Variants in CTF1 observed in about 807,000 individuals in gnomAD.
CTF1 encodes cardiotrophin 1, also known as cardiotrophin-1.
Under a neutral mutation model 10.9 loss-of-function variants are expected in CTF1, and 9 were observed. That is an observed-to-expected ratio of 0.83 (90% CI 0.50 to 1.44). The LOEUF (loss-of-function observed/expected upper bound fraction) is 1.44. Among genes scored for constraint, CTF1 ranks in the 40% most tolerant of loss-of-function variants. The pLI, the probability that CTF1 is intolerant of heterozygous loss-of-function variation, is 0.00. For missense variants in CTF1, 259 were observed against 275.3 expected, an observed-to-expected ratio of 0.94 and a Z score of 0.42; for synonymous variants, 133 against 138.8, an observed-to-expected ratio of 0.96 and a Z score of 0.29.
rs754997009 is a variant in CTF1 at position 30,902,567 on chromosome 16, C to T, written c.*28C>T. ...GCCGCGGGGCAGCTCGCCCCGCCTCCTCCCGCTGGGTTCCGTCTCTCCTTC... is the reference window on the plus strand; with the variant it reads ...GCCGCGGGGCAGCTCGCCCCGCCTCTTCCCGCTGGGTTCCGTCTCTCCTTC... On this transcript the variant is annotated 3_prime_UTR_variant, in exon 3 of 3. Coordinates refer to ENST00000279804, the MANE Select transcript of CTF1 (RefSeq NM_001330.5). 3 of 1,491,378 alleles carry T rather than the reference C, an allele frequency of 2.0e-6. No homozygotes were observed. The highest frequency in any genetic ancestry group is 2.1e-5 in the Admixed American group (1 of 47,680). 92.4% of individuals were successfully genotyped at this position (1,491,378 alleles called of 1,614,324 possible).
intron 2 of CTF1, 24 bp downstream of exon 2, chr16:30,899,557 T>TTTTGGGGGGGGGGGG: frequency 1.8e-6 from 1 of 546,126 alleles, no homozygotes; most frequent in Non-Finnish European, 3.5e-6. Context: ...GGGGTGGGGG[T>TTTTGGGGGGGGGGGG]GCCGGGGGCC....
chr16:30,896,552 TG>T (rs2055351210), upstream of CTF1: 1 of 1,158,872 alleles, frequency 8.6e-7, no homozygotes, highest in African/African-American at 1.6e-5. Context: ...GGGCTCTGAT[TG>T]GCTGCGCCCG....
rs149342494 is a variant in CTF1, at chr16:30,899,510, G to T, written c.121G>T (p.Ala41Ser). The T allele has an allele frequency of 4.5e-5, 73 of 1,608,996 alleles. No homozygotes were observed. Among genetic ancestry groups the T allele is most frequent in the Middle Eastern group, 1.6e-4 (1 of 6,070 alleles). Residue 41 changes from alanine (A) to serine (S), a missense_variant, in exon 2 of 3, where the codon GCT becomes TCT. Physicochemically the swap from Ala to Ser is moderately conservative, Grantham distance 99. Coordinates refer to ENST00000279804, the MANE Select transcript of CTF1 (RefSeq NM_001330.5). ...CCTTGCGCACCTCCTCACCAAATAC[G>T]CTGAGCAGCTGCTCCAGGAATATGT... ...HSLAHLLTKY[A>S]EQLLQEYVQL... is the part of the protein sequence containing the mutation.
rs767711958 is a variant in CTF1 at position 30,899,471 on chromosome 16, C to T, written c.82C>T (p.Arg28Cys). ...TCTTCCCCACTTGGAGGCCAAGATC[C>T]GTCAGACACACAGCCTTGCGCACCT... ...SLLPHLEAKI[R>C]QTHSLAHLLT... Residue 28 changes from arginine to cysteine, a missense_variant, in exon 2 of 3, where the codon CGT (arginine) becomes TGT (cysteine). Physicochemically the swap from Arg to Cys is radical, Grantham distance 180. Transcript: ENST00000279804. 2.5e-6 allele frequency: 4 copies of T among 1,612,578 alleles called. No homozygotes were observed. The South Asian group carries it at 3.3e-5, about 13-fold the overall frequency.
chr16:30,900,016 A>G (rs2055388050), intron 2 of CTF1, among the ~76,000 whole-genome samples: 1 of 152,210 alleles, frequency 6.6e-6, no homozygotes, highest in Non-Finnish European at 1.5e-5. Flanking sequence ...AGTCAGAGGT[A>G]GCCAGGTAGC....
chr16:30,902,677 G>C lies in CTF1; in HGVS notation c.*138G>C. The C allele has an allele frequency of 7.9e-7, 1 of 1,267,532 alleles. No homozygotes were observed. Among genetic ancestry groups the C allele is most frequent in the Non-Finnish European group, 1.0e-6 (1 of 989,670 alleles). The allele number at this position is 1,267,532 out of a possible 1,614,324, so 78.5% of individuals were successfully genotyped here. ...ATTGCCTCGGCCTTCTTTGCTTTTTGTGGGGGAGAGGGGAGGGGACGGGCA... is the reference window on the plus strand; with the variant it reads ...ATTGCCTCGGCCTTCTTTGCTTTTTCTGGGGGAGAGGGGAGGGGACGGGCA... On this transcript the variant is annotated 3_prime_UTR_variant, in exon 3 of 3. Coordinates refer to ENST00000279804, the MANE Select transcript of CTF1 (RefSeq NM_001330.5).
rs199817667 is a variant in CTF1 at position 30,898,021 on chromosome 16, AT to A, written c.25+1366del. Among the ~76,000 whole-genome samples the A allele has an allele frequency of 1.1e-3, 157 of 146,478 alleles. 4 individuals carry two copies. The highest frequency in any genetic ancestry group is 3.0e-3 in the African/African-American group (119 of 39,870). On this transcript the variant is annotated intron_variant, in intron 1 of 2. Coordinates refer to ENST00000279804, the MANE Select transcript of CTF1 (RefSeq NM_001330.5). ...AGGCGTGTGCCACCAAGTCCAGCTA[AT>A]TTTTTTTTTTTTGTATTTTTAGTAG... is the stretch of plus-strand genomic sequence containing the variant.
In CTF1 at chr16:30,902,647, T is replaced by A; in HGVS notation, c.*108T>A. 1.5e-6 allele frequency: 2 copies of A among 1,331,830 alleles called. No individual in the cohort carries two copies. Among genetic ancestry groups the A allele is most frequent in the Non-Finnish European group, 1.9e-6 (2 of 1,032,480 alleles). 82.5% of individuals were successfully genotyped at this position (1,331,830 alleles called of 1,614,324 possible). On this transcript the variant is annotated 3_prime_UTR_variant, in exon 3 of 3. Coordinates refer to ENST00000279804, the MANE Select transcript of CTF1 (RefSeq NM_001330.5). Reference sequence around the variant, plus strand: ...GTGTCTGTCTGTCTGCTCTTAGCTGTCTCCATTGCCTCGGCCTTCTTTGCT... The same window carrying A: ...GTGTCTGTCTGTCTGCTCTTAGCTGACTCCATTGCCTCGGCCTTCTTTGCT...
chr16:30,896,503 T>G, upstream of CTF1: 1 of 764,558 alleles, frequency 1.3e-6, no homozygotes, highest in Non-Finnish European at 1.8e-6. Context: ...CAAGGAATCC[T>G]GTCTCAAAAG....
chr16:30,896,349 CT>C (rs1299731420), upstream of CTF1, among the ~76,000 whole-genome samples: 2 of 152,222 alleles, frequency 1.3e-5, no homozygotes, highest in African/African-American at 4.8e-5. Context: ...AGGTCCAAGC[CT>C]GAGCCCGCGG....
intron 1 of CTF1, among the ~76,000 whole-genome samples, chr16:30,897,689 A>C (rs1330961276): frequency 1.3e-5 from 2 of 152,076 alleles, no homozygotes; most frequent in African/African-American, 2.4e-5. Context: ...CCCTGTCTCT[A>C]CAAAAAAATA....
At chr16:30,897,889 C>T (rs2055367685) in intron 1 of CTF1, among the ~76,000 whole-genome samples, 1 of 151,726 alleles carries the variant, frequency 6.6e-6, no homozygotes, top group African/African-American at 2.4e-5. Flanking sequence ...GGGATGGAGT[C>T]TTTCTCTGTT....
intron 1 of CTF1, among the ~76,000 whole-genome samples, chr16:30,897,833 C>T (rs1003256221): frequency 5.9e-5 from 9 of 152,032 alleles, no homozygotes; most frequent in African/African-American, 9.7e-5. Flanking sequence ...CCATCCTGGG[C>T]GAAAGAGCAA....
At chr16:30,896,523 GATGAA>G, upstream of CTF1, 1 of 899,842 alleles carries the variant, frequency 1.1e-6, no homozygotes, top group Non-Finnish European at 1.5e-6. Context: ...GGGGGGGTAG[GATGAA>G]ATGTTTGGGG....
At chr16:30,899,578 G>T in intron 2 of CTF1, 45 bp downstream of exon 2, 1 of 1,058,564 alleles carries the variant, frequency 9.4e-7, no homozygotes, top group South Asian at 1.4e-5. Flanking sequence ...TGGGGAATGG[G>T]AGCAGACATC....
In CTF1 at chr16:30,902,396, C is replaced by A; in HGVS notation, c.463C>A (p.Pro155Thr). The A allele has an allele frequency of 7.9e-7, 1 of 1,260,820 alleles. No homozygotes were observed. The highest frequency in any genetic ancestry group is 1.0e-6 in the Non-Finnish European group (1 of 1,003,364). The allele number at this position is 1,260,820 out of a possible 1,614,324, so 78.1% of individuals were successfully genotyped here. A position where few individuals can be genotyped will look rare whatever the true frequency, so the allele number is the denominator to read the frequency against. Residue 155 changes from proline (P) to threonine (T), a missense_variant, in exon 3 of 3, where the codon CCC becomes ACC. Pro to Thr is a conservative substitution (Grantham distance 38). Transcript: ENST00000279804. ...AANRGPRAEP[P>T]AATASAASAT... ...CAACCGCGGGCCCCGGGCCGAGCCC[C>A]CCGCCGCCACCGCCTCAGCCGCCTC...
At chr16:30,898,957 C>T (rs909716583) in intron 1 of CTF1, among the ~76,000 whole-genome samples, 18 of 152,264 alleles carry the variant, frequency 1.2e-4, no homozygotes, top group East Asian at 3.9e-4. Flanking sequence ...TCTCACCTGG[C>T]CCTTTTCTAT....
At position 30,902,398 on chromosome 16, in the gene CTF1, CG is replaced by C; in HGVS notation, c.466del (p.Ala156ProfsTer30). 1 of 1,263,284 alleles carries C rather than the reference CG, an allele frequency of 7.9e-7. No individual in the cohort carries two copies. The allele number at this position is 1,263,284 out of a possible 1,614,324, so 78.3% of individuals were successfully genotyped here. ...ANRGPRAEPP[A>X]ATASAASATG... ...ACCGCGGGCCCCGGGCCGAGCCCCC[CG>C]CCGCCACCGCCTCAGCCGCCTCCGC... On this transcript the variant is annotated frameshift_variant, in exon 3 of 3. Transcript: ENST00000279804. LOFTEE classifies it high-confidence loss of function.
chr16:30,901,327 C>T (rs1341684700), intron 2 of CTF1, among the ~76,000 whole-genome samples: 1 of 152,110 alleles, frequency 6.6e-6, no homozygotes, highest in Non-Finnish European at 1.5e-5. Context: ...ATATGATTTC[C>T]ATGAAGACAG....
Sources: gnomAD v4.1 joint callset for allele counts (sites outside exome capture counted in the v4.1 genomes callset) on GRCh38, gnomAD v4.1.1 for gene constraint, MANE v1.5 for transcripts, NCBI Gene and HGNC (gene_info 2026-07-23, HGNC 2026-07-21) for gene names.